TENM2: variants seen among roughly 807,000 people sequenced by gnomAD.
TENM2 encodes the protein teneurin transmembrane protein 2, also known as teneurin-2.
TENM2 carries 52 observed loss-of-function variants against 245.2 expected under a neutral mutation model. The ratio of observed to expected loss-of-function variants is 0.21; its 90% CI spans 0.17 to 0.27. The LOEUF is 0.27. Among genes scored for constraint, TENM2 ranks in the 10% least tolerant of loss-of-function variants. The pLI is 1.00. For missense variants in TENM2, 3,046 were observed against 3,666.8 expected, an observed-to-expected ratio of 0.83 and a Z score of 4.37; for synonymous variants, 1,363 against 1,438.9, an observed-to-expected ratio of 0.95 and a Z score of 1.19.
In TENM2 at chr5:167,748,841, C is replaced by T. The variant is rs1465497320; in HGVS notation, c.503-127145C>T. Among the ~76,000 whole-genome samples the T allele has an allele frequency of 2.0e-5, 3 of 152,094 alleles. No individual in the cohort carries two copies. The East Asian group carries it at 5.8e-4, about 29-fold the overall frequency. Reference sequence around the variant, plus strand: ...GCGGAAACCACCCCCAGGATTCAATCACCTCCCACCGGATCCATCCCTCAA... The same window carrying T: ...GCGGAAACCACCCCCAGGATTCAATTACCTCCCACCGGATCCATCCCTCAA... On this transcript the variant is annotated intron_variant, in intron 2 of 28. Transcript: ENST00000518659.
At chr5:167,821,032 GA>G in intron 2 of TENM2, 1 of 152,244 alleles carries the variant, frequency 6.6e-6, no homozygotes, top group Non-Finnish European at 1.5e-5. Context: ...AGAAGTGAAG[GA>G]AAAGGTGGGG....
At chr5:167,757,591 CT>C (rs1257554058) in intron 2 of TENM2, among the ~76,000 whole-genome samples, 2 of 152,084 alleles carry the variant, frequency 1.3e-5, no homozygotes, top group Non-Finnish European at 2.9e-5. Context: ...ATTTATAATC[CT>C]TTGGGTATAT....
chr5:168,029,935 T>C (rs900812465), intron 5 of TENM2, among the ~76,000 whole-genome samples: 1 of 152,142 alleles, frequency 6.6e-6, no homozygotes, highest in African/African-American at 2.4e-5. Flanking sequence ...AAAGCAGAGT[T>C]CTGACAGAGT....
At chr5:167,626,277 G>A (rs1778493353) in intron 2 of TENM2, among the ~76,000 whole-genome samples, 1 of 151,998 alleles carries the variant, frequency 6.6e-6, no homozygotes, top group Non-Finnish European at 1.5e-5. Flanking sequence ...GCCACCGAGA[G>A]AGGCAAGGTT....
At chr5:168,120,349 G>T (rs1193737310) in intron 10 of TENM2, among the ~76,000 whole-genome samples, 1 of 152,182 alleles carries the variant, frequency 6.6e-6, no homozygotes, top group Non-Finnish European at 1.5e-5. Context: ...AAAGGTTAAA[G>T]TTCTTAAAGA....
chr5:167,695,099 A>G (rs1044955051), intron 2 of TENM2, among the ~76,000 whole-genome samples: 60 of 152,192 alleles, frequency 3.9e-4, no homozygotes, highest in African/African-American at 1.4e-3. Context: ...GTTTTTAGCC[A>G]TGCTTATTCA....
intron 2 of TENM2, among the ~76,000 whole-genome samples, chr5:167,797,710 T>A (rs1327343006): frequency 6.6e-6 from 1 of 152,242 alleles, no homozygotes; most frequent in Non-Finnish European, 1.5e-5. Flanking sequence ...ATTCTCATGT[T>A]ATAATTAATT....
intron 2 of TENM2, among the ~76,000 whole-genome samples, chr5:167,445,315 A>ATATC (rs1765097482): frequency 3.6e-5 from 1 of 27,420 alleles, no homozygotes; most frequent in Non-Finnish European, 6.3e-5. Flanking sequence ...ATATGATTAT[A>ATATC]TATATATATA....
intron 2 of TENM2, among the ~76,000 whole-genome samples, chr5:167,449,397 TG>T (rs1274737819): frequency 6.6e-6 from 1 of 152,014 alleles, no homozygotes; most frequent in African/African-American, 2.4e-5. Context: ...CCATGTGCGG[TG>T]GCTCCAGCCC....
chr5:167,186,782 T>G, the TENM2 span, among the ~76,000 whole-genome samples: 1 of 152,218 alleles, frequency 6.6e-6, no homozygotes, highest in Non-Finnish European at 1.5e-5. Context: ...AAACAGATTG[T>G]GACTAGAAAG....
At chr5:168,086,167 G>A (rs951235654) in intron 7 of TENM2, among the ~76,000 whole-genome samples, 44 of 152,234 alleles carry the variant, frequency 2.9e-4, no homozygotes, top group African/African-American at 1.1e-3. Context: ...TGGGCTGCCC[G>A]GTCCCTGCCT....
chr5:167,830,509 C>A (rs1167368959), intron 2 of TENM2, among the ~76,000 whole-genome samples: 2 of 152,088 alleles, frequency 1.3e-5, no homozygotes, highest in African/African-American at 2.4e-5. Context: ...TGGTTCTAGG[C>A]CCCTGGCATA....
intron 1 of TENM2, among the ~76,000 whole-genome samples, chr5:167,328,204 G>GTTTTTTTTTTTTTTTTTTTTTTTTTT: frequency 1.1e-5 from 1 of 91,016 alleles, no homozygotes. Flanking sequence ...TTCTCATATC[G>GTTTTTTTTTTTTTTTTTTTTTTTTTT]TTTTTTTTTT....
chr5:167,222,935 T>A, the TENM2 span, among the ~76,000 whole-genome samples: 1 of 152,224 alleles, frequency 6.6e-6, no homozygotes, highest in East Asian at 1.9e-4. Context: ...ATTTCATTTA[T>A]AATTTAAAGT....
chr5:167,274,348 A>G, the TENM2 span, among the ~76,000 whole-genome samples: 3 of 152,042 alleles, frequency 2.0e-5, no homozygotes, highest in Non-Finnish European at 2.9e-5. Flanking sequence ...ATTCCTTTTC[A>G]CTGCTAAGCA....
chr5:167,186,850 C>T, the TENM2 span, among the ~76,000 whole-genome samples: 1 of 152,240 alleles, frequency 6.6e-6, no homozygotes, highest in African/African-American at 2.4e-5. Context: ...ACAGGCCAAT[C>T]TGCCTTACAA....
At chr5:167,508,372 A>G (rs1229072563) in intron 2 of TENM2, among the ~76,000 whole-genome samples, 1 of 152,196 alleles carries the variant, frequency 6.6e-6, no homozygotes, top group Non-Finnish European at 1.5e-5. Context: ...ATCTATGTAA[A>G]TTTAACTATG....
the TENM2 span, among the ~76,000 whole-genome samples, chr5:167,031,172 G>C: frequency 6.6e-6 from 1 of 152,274 alleles, no homozygotes; most frequent in African/African-American, 2.4e-5. Flanking sequence ...TTTCTAAAAG[G>C]CTCATTCTAC....
chr5:168,100,555 T>TA (rs1422049803), intron 9 of TENM2, among the ~76,000 whole-genome samples: 1 of 152,172 alleles, frequency 6.6e-6, no homozygotes, highest in Non-Finnish European at 1.5e-5. Context: ...TATGCAGCCA[T>TA]AAAAAAGGAT....
Sources: allele counts gnomAD v4.1 joint callset (sites outside exome capture counted in the v4.1 genomes callset), GRCh38; gene constraint gnomAD v4.1.1; transcripts MANE v1.5; gene names NCBI Gene and HGNC (gene_info 2026-07-23, HGNC 2026-07-21).